MED13L: variants seen among roughly 807,000 people sequenced by gnomAD.
MED13L encodes mediator complex subunit 13L.
Under a neutral mutation model 220.9 loss-of-function variants are expected in MED13L, and 7 were observed. The observed-to-expected ratio is 0.03, with a 90% CI of 0.02 to 0.06. The LOEUF is 0.06. Ranked by LOEUF, MED13L falls within the 10% of genes least tolerant of loss-of-function variation. The pLI is 1.00. For missense variants in MED13L, 1,965 were observed against 2,760.5 expected (o/e 0.71, Z 6.46); for synonymous variants, 1,011 against 1,015.2 (o/e 1.00, Z 0.08).
intron 1 of MED13L, among the ~76,000 whole-genome samples, chr12:116,265,102 T>C (rs974328920): frequency 9.2e-5 from 14 of 152,168 alleles, no homozygotes; most frequent in Admixed American, 7.9e-4. Flanking sequence ...ATGTAATTAT[T>C]TGAACTACCA....
intron 4 of MED13L, among the ~76,000 whole-genome samples, chr12:116,091,903 C>A (rs1327493736): frequency 6.6e-6 from 1 of 152,138 alleles, no homozygotes; most frequent in Non-Finnish European, 1.5e-5. Context: ...TTTATGTATT[C>A]TTGTTTCTGT....
At chr12:116,094,491 C>T (rs1489839886) in intron 4 of MED13L, among the ~76,000 whole-genome samples, 3 of 151,960 alleles carry the variant, frequency 2.0e-5, no homozygotes, top group Non-Finnish European at 2.9e-5. Context: ...ATTTTTGGAG[C>T]CAAAATGAGT....
intron 3 of MED13L, among the ~76,000 whole-genome samples, chr12:116,097,781 A>G (rs1199953696): frequency 1.3e-5 from 2 of 152,238 alleles, no homozygotes; most frequent in African/African-American, 4.8e-5. Flanking sequence ...TTAAATGGCA[A>G]GTGAACCCAA....
intron 2 of MED13L, among the ~76,000 whole-genome samples, chr12:116,138,163 A>G (rs544296563): frequency 4.0e-4 from 61 of 152,256 alleles, no homozygotes; most frequent in African/African-American, 1.4e-3. Context: ...GCCTGACATA[A>G]ATTTTTAAAA....
chr12:116,187,766 A>G (rs1016401048), intron 2 of MED13L, among the ~76,000 whole-genome samples: 5 of 152,026 alleles, frequency 3.3e-5, no homozygotes, highest in Admixed American at 2.6e-4. Context: ...AACTATTAAG[A>G]GCTCCCTCTG....
intron 2 of MED13L, among the ~76,000 whole-genome samples, chr12:116,143,241 G>A (rs1877225645): frequency 6.6e-6 from 1 of 151,768 alleles, no homozygotes; most frequent in Non-Finnish European, 1.5e-5. Context: ...AGGCACAGTG[G>A]CTCAGGCCTG....
intron 1 of MED13L, among the ~76,000 whole-genome samples, chr12:116,258,268 T>C (rs1330885488): frequency 6.6e-6 from 1 of 152,220 alleles, no homozygotes. Context: ...CTTAAATTTC[T>C]TGTTTCAGTT....
intron 7 of MED13L, among the ~76,000 whole-genome samples, chr12:116,015,763 G>A (rs938812261): frequency 2.6e-5 from 4 of 152,172 alleles, no homozygotes; most frequent in African/African-American, 9.7e-5. Flanking sequence ...CCCTGGGTAG[G>A]AAAAAGAAAG....
At chr12:116,193,633 A>T (rs528975018) in intron 2 of MED13L, among the ~76,000 whole-genome samples, 96 of 152,174 alleles carry the variant, frequency 6.3e-4, no homozygotes, top group African/African-American at 2.2e-3. Context: ...AAAACTCCTA[A>T]TAATCACTAA....
chr12:116,135,973 G>T (rs1010003747), intron 2 of MED13L, among the ~76,000 whole-genome samples: 1 of 150,554 alleles, frequency 6.6e-6, no homozygotes, highest in Non-Finnish European at 1.5e-5. Flanking sequence ...GCACGATCTC[G>T]GCTCACTGCA....
In MED13L at chr12:116,031,628, G is replaced by A. The variant is rs139535566; in HGVS notation, c.480-9027C>T. 4.7e-3 allele frequency among the ~76,000 whole-genome samples: 566 copies of A among 120,566 alleles called. 12 individuals carry two copies. Among genetic ancestry groups the A allele is most frequent in the African/African-American group, 0.017 (515 of 30,772 alleles). The allele number at this position is 120,566 out of a possible 152,430, so 79.1% of individuals were successfully genotyped here. Reference sequence around the variant, plus strand: ...GAGAAGAGAAGAGAAGGAGGGGAGGGGAGGGGAGGGGAGGGGGGACGGGAC... The same window carrying A: ...GAGAAGAGAAGAGAAGGAGGGGAGGAGAGGGGAGGGGAGGGGGGACGGGAC... On this transcript the variant is annotated intron_variant, in intron 4 of 30. Coordinates refer to ENST00000281928, the MANE Select transcript of MED13L (RefSeq NM_015335.5).
intron 4 of MED13L, among the ~76,000 whole-genome samples, chr12:116,095,155 C>T (rs1020719855): frequency 2.0e-5 from 3 of 151,952 alleles, no homozygotes; most frequent in African/African-American, 4.8e-5. Context: ...AAAGCAAGAC[C>T]CTGTCTCAAA....
At chr12:116,140,400 T>A (rs760800504) in intron 2 of MED13L, among the ~76,000 whole-genome samples, 2 of 152,208 alleles carry the variant, frequency 1.3e-5, no homozygotes, top group African/African-American at 4.8e-5. Context: ...CAGGATTCAT[T>A]ACCAGTGTTA....
intron 14 of MED13L, among the ~76,000 whole-genome samples, chr12:115,999,802 T>A (rs957570633): frequency 2.0e-5 from 3 of 152,140 alleles, no homozygotes; most frequent in East Asian, 1.9e-4. Context: ...CACGCATATA[T>A]CTCAGTTTTC....
chr12:116,262,066 A>C (rs1235721710), intron 1 of MED13L, among the ~76,000 whole-genome samples: 1 of 152,182 alleles, frequency 6.6e-6, no homozygotes, highest in African/African-American at 2.4e-5. Flanking sequence ...CAATTCCTTC[A>C]TGTCCTTCAA....
chr12:115,973,320 C>T (rs564454542), intron 25 of MED13L, among the ~76,000 whole-genome samples: 7 of 152,192 alleles, frequency 4.6e-5, no homozygotes, highest in Admixed American at 3.3e-4. Flanking sequence ...TACACTGTCC[C>T]ATGGAGATGC....
intron 2 of MED13L, among the ~76,000 whole-genome samples, chr12:116,184,437 G>C (rs907306639): frequency 6.6e-6 from 1 of 152,106 alleles, no homozygotes; most frequent in Non-Finnish European, 1.5e-5. Flanking sequence ...GTGGCAACTA[G>C]ACAATGTCTC....
chr12:116,186,295 C>T (rs946372653), intron 2 of MED13L, among the ~76,000 whole-genome samples: 2 of 152,162 alleles, frequency 1.3e-5, no homozygotes, highest in African/African-American at 4.8e-5. Context: ...ATCACATCTG[C>T]TGAATGAAAA....
At chr12:116,139,234 G>A (rs896132255) in intron 2 of MED13L, among the ~76,000 whole-genome samples, 1 of 152,190 alleles carries the variant, frequency 6.6e-6, no homozygotes, top group Non-Finnish European at 1.5e-5. Context: ...TTTGAAAAAA[G>A]TAAACTTTAT....
Sources: gnomAD v4.1 joint callset for allele counts (sites outside exome capture counted in the v4.1 genomes callset) on GRCh38, gnomAD v4.1.1 for gene constraint, MANE v1.5 for transcripts, NCBI Gene and HGNC (gene_info 2026-07-23, HGNC 2026-07-21) for gene names.